Variants in ADAMTSL1 observed in about 807,000 individuals in gnomAD.
The protein encoded by ADAMTSL1 is ADAMTS like 1, also known as ADAMTS-like protein 1.
In ADAMTSL1, 126 loss-of-function variants were observed where a neutral mutation model predicts 201.8. That is an observed-to-expected ratio of 0.62 (90% CI 0.54 to 0.72). The LOEUF is 0.72. Among genes scored for constraint, ADAMTSL1 ranks in the 30% least tolerant of loss-of-function variants. The probability of loss-of-function intolerance (pLI) is 0.00; values close to 1 mark genes in which losing one functional copy is unlikely to be tolerated. For synonymous variants in ADAMTSL1, 1,121 were observed against 903.4 expected, an observed-to-expected ratio of 1.24 and a Z score of -4.32; for missense variants, 2,679 against 2,277.8, an observed-to-expected ratio of 1.18 and a Z score of -3.59.
intron 2 of ADAMTSL1, among the ~76,000 whole-genome samples, chr9:18,322,920 C>T (rs1834685018): frequency 6.6e-6 from 1 of 152,096 alleles, no homozygotes; most frequent in South Asian, 2.1e-4. Context: ...CAAAACAACA[C>T]ACCAGGCTAG....
At chr9:17,961,056 T>C (rs1817730313) in intron 1 of ADAMTSL1, among the ~76,000 whole-genome samples, 1 of 152,224 alleles carries the variant, frequency 6.6e-6, no homozygotes, top group Non-Finnish European at 1.5e-5. Context: ...GTGCCATTTA[T>C]CTACCTTGGA....
Position 18,680,300 on chromosome 9 carries a change from T to G in ADAMTSL1, c.1137-12T>G, listed in dbSNP as rs1830386584. 2 of 1,613,306 alleles carry G rather than the reference T, an allele frequency of 1.2e-6. No individual in the cohort carries two copies. The highest frequency in any genetic ancestry group is 1.3e-5 in the African/African-American group (1 of 74,900). On this transcript the variant is annotated splice_polypyrimidine_tract_variant and intron_variant, in intron 10 of 28. Transcript: ENST00000380548. ...TGCATGTCTGCCCTGATGACTCCCC[T>G]TGCTTCTGTAGGTGGGAGGCCACCC...
rs56789652 is a variant in ADAMTSL1 at position 18,547,633 on chromosome 9, T to TAAAA, written c.237+14359_237+14362dup. ...TGTGAAGAGCGGCTGTATATATATA[T>TAAAA]AAAAAAAAAAAAAAAAAAAAAGACA... On this transcript the variant is annotated intron_variant, in intron 3 of 28. Coordinates refer to ENST00000380548, the MANE Select transcript of ADAMTSL1 (RefSeq NM_001040272.6). Among the ~76,000 whole-genome samples, 48 of 85,990 alleles carry TAAAA rather than the reference T, an allele frequency of 5.6e-4. 1 individual carries two copies. The highest frequency in any genetic ancestry group is 1.4e-3 in the South Asian group (3 of 2,220). 56.4% of individuals were successfully genotyped at this position (85,990 alleles called of 152,430 possible). A position where few individuals can be genotyped will look rare whatever the true frequency, so the allele number is the denominator to read the frequency against.
At chr9:18,624,817 G>C (rs1161569134) in intron 5 of ADAMTSL1, among the ~76,000 whole-genome samples, 1 of 152,096 alleles carries the variant, frequency 6.6e-6, no homozygotes, top group Non-Finnish European at 1.5e-5. Context: ...TCAATGAAAA[G>C]TGCCCTATTC....
chr9:18,727,540 G>T (rs1317209373), intron 15 of ADAMTSL1, among the ~76,000 whole-genome samples: 1 of 152,234 alleles, frequency 6.6e-6, no homozygotes, highest in African/African-American at 2.4e-5. Context: ...GGTTGGGCCT[G>T]ACTGGGCCAG....
chr9:18,252,013 G>T (rs1474755668), intron 2 of ADAMTSL1, among the ~76,000 whole-genome samples: 1 of 151,506 alleles, frequency 6.6e-6, no homozygotes. Flanking sequence ...TGAAATTAAA[G>T]ATATTTTAAA....
intron 2 of ADAMTSL1, among the ~76,000 whole-genome samples, chr9:18,329,616 A>G (rs1834953482): frequency 6.6e-6 from 1 of 152,196 alleles, no homozygotes; most frequent in Non-Finnish European, 1.5e-5. Context: ...CCCCTCATTC[A>G]AATAGGCAGT....
At chr9:18,573,782 C>G (rs1822503846) in intron 3 of ADAMTSL1, among the ~76,000 whole-genome samples, 2 of 152,148 alleles carry the variant, frequency 1.3e-5, no homozygotes, top group Non-Finnish European at 2.9e-5. Context: ...ATATCTATTT[C>G]AAGCCAATTA....
intron 2 of ADAMTSL1, among the ~76,000 whole-genome samples, chr9:18,173,838 G>A (rs1828016511): frequency 6.6e-6 from 1 of 152,058 alleles, no homozygotes. Context: ...ATATTGTGAG[G>A]CCCTTCCGAA....
intron 23 of ADAMTSL1, among the ~76,000 whole-genome samples, chr9:18,847,907 A>G (rs558854811): frequency 7.9e-5 from 12 of 152,386 alleles, no homozygotes; most frequent in Admixed American, 4.6e-4. Flanking sequence ...GCTCACATTT[A>G]TAAACAGATG....
intron 2 of ADAMTSL1, among the ~76,000 whole-genome samples, chr9:18,287,967 C>T (rs1024611185): frequency 1.3e-5 from 2 of 152,092 alleles, no homozygotes; most frequent in Non-Finnish European, 2.9e-5. Flanking sequence ...TTTTTACTGA[C>T]AGTCCTTCTA....
intron 15 of ADAMTSL1, among the ~76,000 whole-genome samples, chr9:18,726,589 G>T (rs867758335): frequency 4.6e-5 from 7 of 151,794 alleles, no homozygotes; most frequent in Non-Finnish European, 8.8e-5. Flanking sequence ...AGGAAAAGCA[G>T]AAAGTACTAC....
intron 9 of ADAMTSL1, among the ~76,000 whole-genome samples, chr9:18,671,708 A>G (rs1020653858): frequency 6.6e-6 from 1 of 152,066 alleles, no homozygotes; most frequent in African/African-American, 2.4e-5. Flanking sequence ...ACTGAGAGAA[A>G]CCCTTGAAAC....
At chr9:18,188,171 C>G (rs1200444189) in intron 2 of ADAMTSL1, among the ~76,000 whole-genome samples, 2 of 152,170 alleles carry the variant, frequency 1.3e-5, no homozygotes, top group African/African-American at 4.8e-5. Context: ...ACACCCACCA[C>G]CAGCACAACT....
intron 15 of ADAMTSL1, among the ~76,000 whole-genome samples, chr9:18,725,471 A>C (rs1476844836): frequency 1.3e-5 from 2 of 152,218 alleles, no homozygotes; most frequent in Non-Finnish European, 2.9e-5. Context: ...TTTTCCATCA[A>C]AGTTAATGAG....
At position 18,533,269 on chromosome 9, in the gene ADAMTSL1, C is replaced by G. The variant is rs1263122768; in HGVS notation, c.214C>G (p.Arg72Gly). Reference sequence around the variant, plus strand: ...TAGGAGCTGTGAAGGAAGAAATATCCGATACAGAACATGCAGTAATGTGGT... The same window carrying G: ...TAGGAGCTGTGAAGGAAGAAATATCGGATACAGAACATGCAGTAATGTGGT... ...SSKSCEGRNIRYRTCSNVDCP... is the reference protein window; with the variant it reads ...SSKSCEGRNIGYRTCSNVDCP... The change falls in exon 3 of 29, where the codon CGA (arginine) becomes GGA (glycine). Residue 72 changes from arginine (R) to glycine (G), a missense_variant. Arg to Gly is a moderately radical substitution (Grantham distance 125). Coordinates refer to ENST00000380548, the MANE Select transcript of ADAMTSL1 (RefSeq NM_001040272.6). The G allele has an allele frequency of 1.2e-6, 2 of 1,602,816 alleles. No homozygotes were observed. The highest frequency in any genetic ancestry group is 1.7e-6 in the Non-Finnish European group (2 of 1,174,366).
At chr9:18,542,849 G>C (rs1049339543) in intron 3 of ADAMTSL1, among the ~76,000 whole-genome samples, 1 of 152,072 alleles carries the variant, frequency 6.6e-6, no homozygotes, top group Non-Finnish European at 1.5e-5. Flanking sequence ...AGATCACTTT[G>C]AAATTCCAAA....
intron 14 of ADAMTSL1, among the ~76,000 whole-genome samples, chr9:18,712,551 A>G (rs570218576): frequency 6.6e-6 from 1 of 152,206 alleles, no homozygotes; most frequent in African/African-American, 2.4e-5. Context: ...TTTAGAGAAG[A>G]AAGAATCAAA....
At chr9:17,947,284 A>C (rs1002962253) in intron 1 of ADAMTSL1, among the ~76,000 whole-genome samples, 2 of 148,404 alleles carry the variant, frequency 1.3e-5, no homozygotes, top group Non-Finnish European at 3.0e-5. Context: ...GTAATGAAAA[A>C]TTGTAAGGCA....
Sources: allele counts gnomAD v4.1 joint callset (sites outside exome capture counted in the v4.1 genomes callset), GRCh38; gene constraint gnomAD v4.1.1; transcripts MANE v1.5; gene names NCBI Gene and HGNC (gene_info 2026-07-23, HGNC 2026-07-21).